The following HORMAD2 variants were observed in gnomAD, a reference collection of about 807,000 sequenced individuals.
The protein encoded by HORMAD2 is HORMA domain containing 2, also known as HORMA domain-containing protein 2.
In HORMAD2, 45 loss-of-function variants were observed where a neutral mutation model predicts 38.8. That is an observed-to-expected ratio of 1.16 (90% CI 0.91 to 1.49). HORMAD2 has a LOEUF of 1.49. HORMAD2 is among the 40% of genes most tolerant of loss of function. HORMAD2 has a pLI of 0.00. For missense variants in HORMAD2, 338 were observed against 367.0 expected (o/e 0.92, Z 0.65); for synonymous variants, 126 against 122.8 (o/e 1.03, Z -0.17).
At chr22:30,110,015 C>T (rs932192878) in intron 5 of HORMAD2, among the ~76,000 whole-genome samples, 1 of 152,026 alleles carries the variant, frequency 6.6e-6, no homozygotes, top group African/African-American at 2.4e-5. Flanking sequence ...TGTATCAGAG[C>T]ATTCTACATC....
intron 10 of HORMAD2, among the ~76,000 whole-genome samples, chr22:30,134,801 G>A (rs1036874921): frequency 6.6e-6 from 1 of 152,028 alleles, no homozygotes; most frequent in Non-Finnish European, 1.5e-5. Flanking sequence ...GTCATCATAG[G>A]AGGGTAGTGT....
the HORMAD2 span, among the ~76,000 whole-genome samples, chr22:30,195,472 C>T: frequency 6.6e-6 from 1 of 152,166 alleles, no homozygotes; most frequent in Non-Finnish European, 1.5e-5. Flanking sequence ...TGTTCAAGGT[C>T]ACAGTGAGTC....
At chr22:30,165,686 G>T (rs1925733597) in intron 10 of HORMAD2, among the ~76,000 whole-genome samples, 1 of 151,990 alleles carries the variant, frequency 6.6e-6, no homozygotes, top group Admixed American at 6.6e-5. Context: ...CCTTAAGTTA[G>T]CTGGGATATT....
At chr22:30,199,885 G>T in the HORMAD2 span, among the ~76,000 whole-genome samples, 35 of 151,960 alleles carry the variant, frequency 2.3e-4, no homozygotes, top group Non-Finnish European at 3.7e-4. Context: ...TGAGGTGGGT[G>T]GATCACTCGA....
intron 10 of HORMAD2, among the ~76,000 whole-genome samples, chr22:30,158,595 T>TTTG (rs1925243660): frequency 1.0e-5 from 1 of 96,066 alleles, no homozygotes; most frequent in African/African-American, 4.6e-5. Context: ...CCTTCCTTCC[T>TTTG]TCCCTCCCTC....
intron 10 of HORMAD2, among the ~76,000 whole-genome samples, chr22:30,125,971 G>T (rs1357699158): frequency 1.3e-5 from 2 of 152,120 alleles, no homozygotes; most frequent in Non-Finnish European, 2.9e-5. Flanking sequence ...TGCTTGCTTT[G>T]TCTTTGTCAC....
In HORMAD2 at chr22:30,080,491, G is replaced by C. The variant is rs997337328; in HGVS notation, c.-38G>C. 2 of 152,400 alleles carry C rather than the reference G, an allele frequency of 1.3e-5. No homozygotes were observed. The highest frequency in any genetic ancestry group is 6.5e-5 in the Admixed American group (1 of 15,292). The allele number at this position is 152,400 out of a possible 1,614,324, so 9.4% of individuals were successfully genotyped here. On this transcript the variant is annotated splice_region_variant and 5_prime_UTR_variant, in exon 1 of 11. Transcript: ENST00000336726. The stretch of plus-strand genomic sequence containing the variant: ...TGGGAGGGAAGCGTCGACGAGCTGA[G>C]GTGAGGGCTGTTGAGACGCGAGGTC...
chr22:30,197,159 C>A, the HORMAD2 span, among the ~76,000 whole-genome samples: 2 of 151,966 alleles, frequency 1.3e-5, no homozygotes, highest in Non-Finnish European at 2.9e-5. Flanking sequence ...TAAGTAAGGG[C>A]CACCCAGGGA....
At chr22:30,137,036 A>G in intron 10 of HORMAD2, 1 of 396,744 alleles carries the variant, frequency 2.5e-6, no homozygotes, top group Non-Finnish European at 4.6e-6. Flanking sequence ...TGCATTTTTT[A>G]GTAAAATCAA....
rs1445810219 is a variant in HORMAD2, at chr22:30,093,930, A to G, written c.-23A>G. On this transcript the variant is annotated 5_prime_UTR_variant, in exon 2 of 11. Transcript: ENST00000336726. ...TTTTTTAATAGGTTGGACTTGTTGA[A>G]ATAATCCTGATACATTCCTACAATG... 2 of 1,571,218 alleles carry G rather than the reference A, an allele frequency of 1.3e-6. No individual in the cohort carries two copies. Among genetic ancestry groups the G allele is most frequent in the Admixed American group, 1.7e-5 (1 of 57,898 alleles).
chr22:30,124,888 A>T (rs965581235), intron 10 of HORMAD2, among the ~76,000 whole-genome samples: 1 of 152,160 alleles, frequency 6.6e-6, no homozygotes, highest in Non-Finnish European at 1.5e-5. Flanking sequence ...CGCTACCCCC[A>T]GTGAAGGAGA....
intron 10 of HORMAD2, among the ~76,000 whole-genome samples, chr22:30,141,369 A>AT (rs1480651115): frequency 1.3e-5 from 2 of 151,790 alleles, no homozygotes; most frequent in African/African-American, 4.8e-5. Flanking sequence ...TTTTTATTTA[A>AT]TTTTTTTATT....
chr22:30,158,555 T>A (rs1248572164), intron 10 of HORMAD2, among the ~76,000 whole-genome samples: 1 of 72,788 alleles, frequency 1.4e-5, no homozygotes, highest in Non-Finnish European at 2.2e-5. Flanking sequence ...CCTTCCTCCC[T>A]CCCCTCCCCT....
At chr22:30,107,642 C>T (rs1335912077) in intron 5 of HORMAD2, among the ~76,000 whole-genome samples, 2 of 151,692 alleles carry the variant, frequency 1.3e-5, no homozygotes, top group Non-Finnish European at 2.9e-5. Flanking sequence ...CCCTGCTACT[C>T]GAGAGGCTGA....
chr22:30,088,706 GTAAGTTTTAT>G (rs1389137215), intron 1 of HORMAD2, among the ~76,000 whole-genome samples: 3 of 151,082 alleles, frequency 2.0e-5, no homozygotes, highest in Admixed American at 6.6e-5. Flanking sequence ...AAATTAAAAA[GTAAGTTTTAT>G]TAAGTTTTAT....
intron 10 of HORMAD2, among the ~76,000 whole-genome samples, chr22:30,171,544 CT>C (rs1239300128): frequency 6.6e-6 from 1 of 152,140 alleles, no homozygotes; most frequent in Non-Finnish European, 1.5e-5. Flanking sequence ...AAGTTATCAC[CT>C]GTCTACCACT....
chr22:30,182,264 G>A, the HORMAD2 span, among the ~76,000 whole-genome samples: 1 of 152,172 alleles, frequency 6.6e-6, no homozygotes, highest in African/African-American at 2.4e-5. Context: ...AGCTCAATGA[G>A]TTAATACAGG....
At chr22:30,143,938 T>C (rs1924249100) in intron 10 of HORMAD2, among the ~76,000 whole-genome samples, 1 of 152,204 alleles carries the variant, frequency 6.6e-6, no homozygotes. Context: ...TGCTCCCCCT[T>C]TGCCTTCTGC....
chr22:30,092,506 T>C (rs1481389649), intron 1 of HORMAD2, among the ~76,000 whole-genome samples: 1 of 152,174 alleles, frequency 6.6e-6, no homozygotes, highest in Non-Finnish European at 1.5e-5. Flanking sequence ...ACTTTTTAGT[T>C]TGATATAATA....
Sources: allele counts gnomAD v4.1 joint callset (sites outside exome capture counted in the v4.1 genomes callset), GRCh38; gene constraint gnomAD v4.1.1; transcripts MANE v1.5; gene names NCBI Gene and HGNC (gene_info 2026-07-23, HGNC 2026-07-21).